Variants in PTGR1 observed in about 807,000 individuals in gnomAD.
PTGR1 encodes prostaglandin reductase 1.
In PTGR1, 23 loss-of-function variants were observed where a neutral mutation model predicts 37.7. The observed-to-expected ratio is 0.61, with a 90% CI of 0.44 to 0.86. The LOEUF is 0.86. Among genes scored for constraint, PTGR1 ranks in the 40% least tolerant of loss-of-function variants. The pLI is 0.00. For missense variants in PTGR1, 351 were observed against 394.3 expected (o/e 0.89, Z 0.93); for synonymous variants, 134 against 140.0 (o/e 0.96, Z 0.30).
At chr9:111,560,095 C>G (rs1828230346), downstream of PTGR1, among the ~76,000 whole-genome samples, 1 of 151,280 alleles carries the variant, frequency 6.6e-6, no homozygotes, top group Admixed American at 6.6e-5. Context: ...TGCCTCATCC[C>G]AGCACTTTGG....
At chr9:111,587,412 A>C (rs1362922782) in intron 4 of PTGR1, among the ~76,000 whole-genome samples, 1 of 152,182 alleles carries the variant, frequency 6.6e-6, no homozygotes, top group East Asian at 1.9e-4. Context: ...ATTTTCTGTC[A>C]ATCTTAATGG....
intron 6 of PTGR1, among the ~76,000 whole-genome samples, chr9:111,580,494 G>A (rs748866835): frequency 1.3e-5 from 2 of 152,052 alleles, no homozygotes; most frequent in African/African-American, 4.8e-5. Flanking sequence ...GGTGGCTCAC[G>A]CCTGTAATCC....
chr9:111,580,335 T>C (rs1284197644), intron 6 of PTGR1, among the ~76,000 whole-genome samples: 4 of 152,294 alleles, frequency 2.6e-5, no homozygotes, highest in Admixed American at 6.5e-5. Context: ...TATCCACTAT[T>C]ATAAGAGAAT....
At chr9:111,551,394 G>GTTTTTGT (rs1827939893) in intron 9 of PTGR1, among the ~76,000 whole-genome samples, 1 of 115,498 alleles carries the variant, frequency 8.7e-6, no homozygotes, top group Non-Finnish European at 1.7e-5. Context: ...CAAGTATCCA[G>GTTTTTGT]TTTTTGTTTT....
intron 4 of PTGR1, among the ~76,000 whole-genome samples, chr9:111,589,878 G>A (rs1049868549): frequency 7.3e-5 from 11 of 150,142 alleles, no homozygotes; most frequent in African/African-American, 1.7e-4. Context: ...CAAGTGATCC[G>A]CCCACCTTGG....
intron 2 of PTGR1, among the ~76,000 whole-genome samples, chr9:111,595,519 T>G (rs758361596): frequency 6.6e-6 from 1 of 152,226 alleles, no homozygotes; most frequent in Non-Finnish European, 1.5e-5. Flanking sequence ...AATTTTGAAT[T>G]TGAGTCATGG....
chr9:111,576,470 G>GC lies in PTGR1; in HGVS notation c.652-1629dup, dbSNP rs535551674. 8.7e-4 allele frequency: 1,397 copies of GC among 1,611,414 alleles called. 2 individuals carry two copies. The highest frequency in any genetic ancestry group is 1.1e-3 in the Non-Finnish European group (1,289 of 1,178,476). ...TACACAGAGATGACCAGAGGATGGGGCCACTGCAGTGCAGTTCAAGAGGCT... is the reference window on the plus strand; with the variant it reads ...TACACAGAGATGACCAGAGGATGGGGCCCACTGCAGTGCAGTTCAAGAGGCT... On this transcript the variant is annotated intron_variant, in intron 7 of 9. Transcript: ENST00000407693.
Position 111,571,514 on chromosome 9 carries a change from G to GTTTC in PTGR1, c.761-1309_761-1306dup, listed in dbSNP as rs976742293. ...TTAATTTGAGACAGGGTCTGGCTCT[G>GTTTC]TTTCCCCAGGCTGGAGTAAAGTGGT... On this transcript the variant is annotated intron_variant, in intron 8 of 9. Transcript: ENST00000407693. Among the ~76,000 whole-genome samples, 16 of 145,714 alleles carry GTTTC rather than the reference G, an allele frequency of 1.1e-4. 1 individual carries two copies. The highest frequency in any genetic ancestry group is 3.9e-4 in the African/African-American group (16 of 41,002).
downstream of PTGR1, among the ~76,000 whole-genome samples, chr9:111,558,705 C>T (rs1290309273): frequency 1.3e-5 from 2 of 152,194 alleles, no homozygotes; most frequent in Non-Finnish European, 2.9e-5. Flanking sequence ...TATATATGTG[C>T]ACACACACTC....
At chr9:111,584,536 G>A (rs565620606) in intron 5 of PTGR1, among the ~76,000 whole-genome samples, 30 of 152,078 alleles carry the variant, frequency 2.0e-4, no homozygotes, top group African/African-American at 6.8e-4. Context: ...GGGGTACATA[G>A]GAGTTGTTTT....
At chr9:111,560,974 T>TATATAGAG (rs1564607823), downstream of PTGR1, among the ~76,000 whole-genome samples, 2 of 9,344 alleles carry the variant, frequency 2.1e-4, no homozygotes, top group African/African-American at 9.8e-4. Flanking sequence ...TATATATATA[T>TATATAGAG]AGAGAGAGAG....
intron 9 of PTGR1, among the ~76,000 whole-genome samples, chr9:111,565,079 G>A (rs780942910): frequency 7.9e-5 from 12 of 151,912 alleles, no homozygotes; most frequent in Non-Finnish European, 1.3e-4. Context: ...AACGGAGATC[G>A]CACCATTGCA....
Position 111,582,745 on chromosome 9 carries a change from G to C in PTGR1, c.495+727C>G, listed in dbSNP as rs1441510763. On this transcript the variant is annotated intron_variant, in intron 6 of 9. Transcript: ENST00000407693. ...ACATTTGTATTCCAAGCTTCTATTA[G>C]CACTGGAGACCAGTCCAAACCCTTG... 2.0e-5 allele frequency among the ~76,000 whole-genome samples: 3 copies of C among 152,094 alleles called. No individual in the cohort carries two copies. The East Asian group carries it at 5.8e-4, about 29-fold the overall frequency.
intron 9 of PTGR1, among the ~76,000 whole-genome samples, chr9:111,551,400 GTTTTTTTTTTT>G (rs58638722): frequency 2.7e-5 from 2 of 74,430 alleles, no homozygotes; most frequent in African/African-American, 9.5e-5. Context: ...TCCAGTTTTT[GTTTTTTTTTTT>G]TTTTTTTTTT....
rs147027130 is a variant in PTGR1, at chr9:111,592,032, C to T, written c.209+894G>A. On this transcript the variant is annotated intron_variant, in intron 4 of 9. Transcript: ENST00000407693. ...TTTTCATAGCTCTGGGAATGGAATG[C>T]AACCCTTGTGGAGAGCCTATAAATG... 1.3e-3 allele frequency among the ~76,000 whole-genome samples: 203 copies of T among 152,286 alleles called. 1 individual carries two copies. The highest frequency in any genetic ancestry group is 4.7e-3 in the African/African-American group (196 of 41,558).
chr9:111,555,762 T>C (rs1025555168), intron 9 of PTGR1, among the ~76,000 whole-genome samples: 2 of 152,192 alleles, frequency 1.3e-5, no homozygotes, highest in African/African-American at 4.8e-5. Flanking sequence ...TCTGCCACCA[T>C]GATCCCATCA....
At chr9:111,566,204 AAAATAAAT>A (rs370786202) in intron 9 of PTGR1, among the ~76,000 whole-genome samples, 2 of 151,974 alleles carry the variant, frequency 1.3e-5, no homozygotes. Flanking sequence ...CTCCATGTCA[AAAATAAAT>A]AAATAAATAA....
intron 4 of PTGR1, among the ~76,000 whole-genome samples, chr9:111,588,592 C>A (rs1201761049): frequency 6.6e-6 from 1 of 150,864 alleles, no homozygotes; most frequent in Non-Finnish European, 1.5e-5. Context: ...ATGGCGAGAT[C>A]TCAGCTCACT....
At chr9:111,596,084 A>T (rs144707429) in intron 2 of PTGR1, among the ~76,000 whole-genome samples, 1 of 152,220 alleles carries the variant, frequency 6.6e-6, no homozygotes, top group Non-Finnish European at 1.5e-5. Flanking sequence ...AATTTCAGTT[A>T]TCAATGAAAG....
Sources: gnomAD v4.1 joint callset for allele counts (sites outside exome capture counted in the v4.1 genomes callset) on GRCh38, gnomAD v4.1.1 for gene constraint, MANE v1.5 for transcripts, NCBI Gene and HGNC (gene_info 2026-07-23, HGNC 2026-07-21) for gene names.